Variants in FRMD6 observed in about 807,000 individuals in gnomAD.
FRMD6 encodes FERM domain-containing protein 6.
In FRMD6, 37 loss-of-function variants were observed where a neutral mutation model predicts 73.2. The ratio of observed to expected loss-of-function variants is 0.51; its 90% CI spans 0.39 to 0.66. The LOEUF (loss-of-function observed/expected upper bound fraction) is 0.66, where lower values mean the gene tolerates loss of function less well. Ranked by LOEUF, FRMD6 falls within the 30% of genes least tolerant of loss-of-function variation. The pLI is 0.00. For missense variants in FRMD6, 714 were observed against 780.5 expected, an observed-to-expected ratio of 0.91 and a Z score of 1.02; for synonymous variants, 273 against 282.2, an observed-to-expected ratio of 0.97 and a Z score of 0.33.
the FRMD6 span, among the ~76,000 whole-genome samples, chr14:51,452,759 G>A: frequency 6.6e-6 from 1 of 152,240 alleles, no homozygotes; most frequent in Non-Finnish European, 1.5e-5. Context: ...GGAACAGGCT[G>A]AGATGGAACA....
At chr14:51,649,119 G>A (rs1892211207), upstream of FRMD6, among the ~76,000 whole-genome samples, 1 of 152,030 alleles carries the variant, frequency 6.6e-6, no homozygotes, top group East Asian at 1.9e-4. Flanking sequence ...TCCTTTCTCA[G>A]CTCCCCTTCC....
chr14:51,613,371 C>T (rs905009163), intron 2 of FRMD6, among the ~76,000 whole-genome samples: 1 of 152,026 alleles, frequency 6.6e-6, no homozygotes, highest in African/African-American at 2.4e-5. Flanking sequence ...GCCTGTGACC[C>T]AGATAGAAAA....
At chr14:51,599,864 T>C (rs1389159926) in intron 2 of FRMD6, 2 of 148,494 alleles carry the variant, frequency 1.3e-5, no homozygotes, top group East Asian at 3.9e-4. Context: ...ATGGTTCTTT[T>C]TGCATCTAGT....
the FRMD6 span, among the ~76,000 whole-genome samples, chr14:51,459,341 G>T: frequency 6.6e-6 from 1 of 152,200 alleles, no homozygotes; most frequent in South Asian, 2.1e-4. Context: ...CACTTGAAAT[G>T]ACTAGGCCCT....
At chr14:51,419,817 T>C in the FRMD6 span, among the ~76,000 whole-genome samples, 1 of 152,230 alleles carries the variant, frequency 6.6e-6, no homozygotes, top group African/African-American at 2.4e-5. Context: ...CTTCTCTTGT[T>C]AGGTGTACTC....
intron 1 of FRMD6, among the ~76,000 whole-genome samples, chr14:51,526,799 G>A (rs561002132): frequency 3.3e-5 from 5 of 152,242 alleles, no homozygotes; most frequent in South Asian, 2.1e-4. Context: ...TGCCTCTCTC[G>A]TTGAATTGTA....
chr14:51,550,580 A>C (rs867181531), intron 1 of FRMD6, among the ~76,000 whole-genome samples: 44 of 148,074 alleles, frequency 3.0e-4, no homozygotes, highest in Middle Eastern at 3.5e-3. Context: ...TTGGGAGGAG[A>C]CCCCCCCGCC....
chr14:51,583,026 CAT>C (rs2139671181), intron 2 of FRMD6, among the ~76,000 whole-genome samples: 1 of 152,288 alleles, frequency 6.6e-6, no homozygotes, highest in East Asian at 1.9e-4. Context: ...TGGTGGCACT[CAT>C]ATGCGTTTTC....
chr14:51,543,845 C>A (rs1886326064), intron 1 of FRMD6, among the ~76,000 whole-genome samples: 2 of 151,902 alleles, frequency 1.3e-5, no homozygotes, highest in Non-Finnish European at 2.9e-5. Context: ...TAAGCGTGGA[C>A]CGAACTAGAA....
In FRMD6 at chr14:51,698,177, T is replaced by C; in HGVS notation, c.135T>C (p.Val45=). 6.2e-7 allele frequency: 1 copy of C among 1,612,656 alleles called. No homozygotes were observed. The highest frequency in any genetic ancestry group is 8.5e-7 in the Non-Finnish European group (1 of 1,179,024). The change falls in exon 3 of 14, where the codon GTT becomes GTC. Residue 45 remains valine, a synonymous_variant. Coordinates refer to ENST00000344768, the MANE Select transcript of FRMD6 (RefSeq NM_001267046.2). ...KILCHQLLVQ[V]CDLLRLKDCH... ...TGTGTCACCAGTTGCTGGTCCAGGT[T>C]TGTGACCTGCTCAGGCTAAAGGACT...
chr14:51,706,738 T>C (rs549097016), intron 6 of FRMD6, among the ~76,000 whole-genome samples: 15 of 152,172 alleles, frequency 9.9e-5, no homozygotes, highest in African/African-American at 3.1e-4. Context: ...GAATAGTGTT[T>C]TACATCTTAT....
At chr14:51,413,409 G>A in the FRMD6 span, among the ~76,000 whole-genome samples, 20 of 152,254 alleles carry the variant, frequency 1.3e-4, no homozygotes, top group African/African-American at 3.6e-4. Context: ...AACATGCAGC[G>A]TTTGGTTTTC....
chr14:51,607,849 G>C (rs189029548), intron 2 of FRMD6, among the ~76,000 whole-genome samples: 1 of 152,172 alleles, frequency 6.6e-6, no homozygotes, highest in Admixed American at 6.5e-5. Context: ...TTGCGGTTGC[G>C]GTTCCGTCAG....
At chr14:51,548,067 G>C (rs900004924) in intron 1 of FRMD6, among the ~76,000 whole-genome samples, 7 of 152,082 alleles carry the variant, frequency 4.6e-5, no homozygotes, top group Admixed American at 1.3e-4. Context: ...CAAGCAGTGG[G>C]AATAATTACC....
At chr14:51,635,934 C>CTCTT (rs1891536156) in intron 2 of FRMD6, among the ~76,000 whole-genome samples, 1 of 152,224 alleles carries the variant, frequency 6.6e-6, no homozygotes. Context: ...GTACACCTAG[C>CTCTT]TCTTTACTCC....
At chr14:51,549,730 G>GGACTACAGGCGCCCGCCGCCTC in intron 1 of FRMD6, among the ~76,000 whole-genome samples, 1 of 151,448 alleles carries the variant, frequency 6.6e-6, no homozygotes, top group South Asian at 2.1e-4. Context: ...CGAGTAGCTG[G>GGACTACAGGCGCCCGCCGCCTC]GACTACAGGC....
Position 51,574,196 on chromosome 14 carries a change from C to G in FRMD6, c.-147+3786C>G, listed in dbSNP as rs1447389400. Reference sequence around the variant, plus strand: ...AAACATCAATCCTCTCTGACCTTAGCCACCACCTTTTCAGAGTGAAGGGTG... The same window carrying G: ...AAACATCAATCCTCTCTGACCTTAGGCACCACCTTTTCAGAGTGAAGGGTG... On this transcript the variant is annotated intron_variant, in intron 2 of 14. Coordinates refer to the FRMD6 transcript ENST00000356218. Among the ~76,000 whole-genome samples, 4 of 152,244 alleles carry G rather than the reference C, an allele frequency of 2.6e-5. No individual in the cohort carries two copies. In the East Asian group the frequency reaches 7.7e-4, roughly 29 times the overall value.
rs568327188 is a variant in FRMD6, at chr14:51,514,101, C to T, written c.-210+24681C>T. On this transcript the variant is annotated intron_variant, in intron 1 of 14. Transcript: ENST00000356218. ...AAGTGGTGTAATGTCACTCTTATCACCTCTGGGCTCTTGTAATCTCTCCCC... is the reference window on the plus strand; with the variant it reads ...AAGTGGTGTAATGTCACTCTTATCATCTCTGGGCTCTTGTAATCTCTCCCC... 5.9e-5 allele frequency among the ~76,000 whole-genome samples: 9 copies of T among 152,292 alleles called. No individual in the cohort carries two copies. In the South Asian group the frequency reaches 1.9e-3, roughly 32 times the overall value.
At chr14:51,596,427 T>C (rs1467117886) in intron 2 of FRMD6, among the ~76,000 whole-genome samples, 1 of 152,208 alleles carries the variant, frequency 6.6e-6, no homozygotes, top group African/African-American at 2.4e-5. Context: ...TGATACCTAC[T>C]ATCTAAGACC....
Sources: gnomAD v4.1 joint callset for allele counts (sites outside exome capture counted in the v4.1 genomes callset) on GRCh38, gnomAD v4.1.1 for gene constraint, MANE v1.5 for transcripts, NCBI Gene and HGNC (gene_info 2026-07-23, HGNC 2026-07-21) for gene names.